Variants in TNRC6C observed in about 807,000 individuals in gnomAD.
TNRC6C encodes trinucleotide repeat containing adaptor 6C.
Under a neutral mutation model 153.7 loss-of-function variants are expected in TNRC6C, and 20 were observed. The ratio of observed to expected loss-of-function variants is 0.13; its 90% CI spans 0.09 to 0.19. The LOEUF (loss-of-function observed/expected upper bound fraction) is 0.19, where lower values mean the gene tolerates loss of function less well. TNRC6C is among the 10% of genes least tolerant of loss of function. The pLI is 1.00. For synonymous variants in TNRC6C, 811 were observed against 841.4 expected (o/e 0.96, Z 0.63); for missense variants, 1,987 against 2,172.0 (o/e 0.91, Z 1.69).
intron 8 of TNRC6C, among the ~76,000 whole-genome samples, chr17:78,076,357 C>T (rs1165793379): frequency 1.3e-5 from 2 of 152,160 alleles, no homozygotes; most frequent in Non-Finnish European, 1.5e-5. Flanking sequence ...GGGTGAGGCT[C>T]ACGTCTTCAT....
chr17:78,081,430 A>G (rs988162905), intron 10 of TNRC6C, among the ~76,000 whole-genome samples: 2 of 152,184 alleles, frequency 1.3e-5, no homozygotes, highest in East Asian at 1.9e-4. Flanking sequence ...ACAATTATCA[A>G]TATAACTAAT....
chr17:78,104,674 C>A lies in TNRC6C; in HGVS notation c.4902C>A (p.Asn1634Lys). The A allele has an allele frequency of 6.5e-7, 1 of 1,542,538 alleles. No individual in the cohort carries two copies. Among genetic ancestry groups the A allele is most frequent in the East Asian group, 2.4e-5 (1 of 40,838 alleles). ...TACGCAGCGACGCTGGCCACTGGAA[C>A]GCCCCGTGCCTGGGTGGCAAGGGGA... Residue 1634 changes from asparagine to lysine, a missense_variant, in exon 20 of 20, where the codon AAC (asparagine) becomes AAA (lysine). Physicochemically the swap from Asn to Lys is moderately conservative, Grantham distance 94. Around this residue, in one of 4 missense-constraint regions of TNRC6C, gnomAD observed 139 missense variants for 148.5 expected, o/e 0.94. Transcript: ENST00000301624. This position sits in a 1 kb window ranked among gnomAD's most constrained non-coding sequence, Gnocchi z 6.2.
Position 77,963,267 on chromosome 17 carries a change from A to G in TNRC6C, c.-38+3999A>G, listed in dbSNP as rs1362669776. 2.0e-5 allele frequency among the ~76,000 whole-genome samples: 3 copies of G among 152,346 alleles called. No individual in the cohort carries two copies. The East Asian group carries it at 5.8e-4, about 29-fold the overall frequency. On this transcript the variant is annotated intron_variant, in intron 1 of 22. Transcript: ENST00000636222. ...GTATATCTGAAATTGAAACTGAGAA[A>G]TGTATAATCTTAGCCAGTGAACTTG...
chr17:78,083,300 A>G (rs2073216340), intron 11 of TNRC6C, 134 bp downstream of exon 13: 2 of 1,243,930 alleles, frequency 1.6e-6, no homozygotes, highest in Non-Finnish European at 2.2e-6. Context: ...AAGTATTTAA[A>G]CTCTTCATGA....
Position 78,103,700 on chromosome 17 carries a change from GAT to G in TNRC6C, c.4712+149_4712+150del, listed in dbSNP as rs2073638257. 1.0e-5 allele frequency: 12 copies of G among 1,191,820 alleles called. No individual in the cohort carries two copies. The East Asian group carries it at 3.0e-4, about 30-fold the overall frequency. The allele number at this position is 1,191,820 out of a possible 1,614,324, so 73.8% of individuals were successfully genotyped here. On this transcript the variant is annotated intron_variant, in intron 19 of 19. Coordinates refer to ENST00000301624, the Ensembl canonical transcript of TNRC6C. ...TCCCACTTCTGGAGGCTGGAAGTCT[GAT>G]ACCCAAGATGAAGGTGTGGGCAGGG... is the stretch of plus-strand genomic sequence containing the variant.
At chr17:77,988,526 C>G (rs989136263) in intron 1 of TNRC6C, among the ~76,000 whole-genome samples, 2 of 152,234 alleles carry the variant, frequency 1.3e-5, no homozygotes, top group Admixed American at 1.3e-4. Context: ...TAAAAACTCA[C>G]AGCTTCCATT....
At chr17:78,013,582 G>A (rs559607260) in intron 1 of TNRC6C, among the ~76,000 whole-genome samples, 1 of 152,194 alleles carries the variant, frequency 6.6e-6, no homozygotes, top group Non-Finnish European at 1.5e-5. Flanking sequence ...CTCTCATGGA[G>A]CTGAGTCTTA....
Position 78,072,926 on chromosome 17 carries a change from C to G in TNRC6C, c.2860-111C>G. The G allele has an allele frequency of 1.6e-5, 11 of 698,550 alleles. 2 individuals are homozygous for G. In the South Asian group the frequency reaches 2.1e-4, roughly 13 times the overall value. The allele number at this position is 698,550 out of a possible 1,614,324, so 43.3% of individuals were successfully genotyped here. On this transcript the variant is annotated intron_variant, in intron 6 of 19. Coordinates refer to ENST00000301624, the Ensembl canonical transcript of TNRC6C. ...CCTCAACAGTGAAGAAATGTATTTC[C>G]AGTTCCAAAACCTAATAACTATGTC...
chr17:78,046,171 C>T (rs1423955999), intron 2 of TNRC6C, among the ~76,000 whole-genome samples: 1 of 150,540 alleles, frequency 6.6e-6, no homozygotes, highest in East Asian at 1.9e-4. Flanking sequence ...TCTTTCTTAC[C>T]GATTTTTAGG....
chr17:78,070,189 A>C (rs930132753), intron 5 of TNRC6C, among the ~76,000 whole-genome samples: 3 of 152,204 alleles, frequency 2.0e-5, no homozygotes, highest in Admixed American at 1.3e-4. Flanking sequence ...CAAATAATCC[A>C]GTTAATGATG....
intron 1 of TNRC6C, among the ~76,000 whole-genome samples, chr17:78,026,976 C>T (rs1243806973): frequency 3.3e-5 from 5 of 151,872 alleles, no homozygotes; most frequent in African/African-American, 7.3e-5. Context: ...AAGGGCGAGG[C>T]GAGAAAGCTG....
Position 78,060,333 on chromosome 17 carries a change from T to C in TNRC6C, c.2396-4389T>C, listed in dbSNP as rs2072741283. Among the ~76,000 whole-genome samples, 3 of 152,126 alleles carry C rather than the reference T, an allele frequency of 2.0e-5. 1 individual carries two copies. In the South Asian group the frequency reaches 6.2e-4, roughly 32 times the overall value. Reference sequence around the variant, plus strand: ...GTACCCAACCAGCCATCATAGTAAATTTGCATTAAGTTTAAAGGCCGTTGG... The same window carrying C: ...GTACCCAACCAGCCATCATAGTAAACTTGCATTAAGTTTAAAGGCCGTTGG... On this transcript the variant is annotated intron_variant, in intron 3 of 19. Transcript: ENST00000301624.
At chr17:77,971,950 T>A in intron 1 of TNRC6C, among the ~76,000 whole-genome samples, 1 of 151,392 alleles carries the variant, frequency 6.6e-6, no homozygotes, top group African/African-American at 2.4e-5. Context: ...TTTAAATGTA[T>A]TAAATATGTA....
chr17:78,010,080 G>T (rs796537980), intron 1 of TNRC6C, among the ~76,000 whole-genome samples: 1 of 150,060 alleles, frequency 6.7e-6, no homozygotes, highest in African/African-American at 2.5e-5. Context: ...GCAGGGTTTC[G>T]CCCTGTTGCC....
chr17:78,093,095 C>T, exon 15 of TNRC6C: 5 of 1,613,210 alleles, frequency 3.1e-6, no homozygotes, highest in Non-Finnish European at 4.2e-6. Flanking sequence ...GATAAAATCT[C>T]AAATGGCTCT....
intron 1 of TNRC6C, among the ~76,000 whole-genome samples, chr17:77,977,830 T>C (rs2071021967): frequency 6.6e-6 from 1 of 151,544 alleles, no homozygotes; most frequent in African/African-American, 2.4e-5. Context: ...TATGTGAGAC[T>C]CTTAAAATAA....
chr17:78,095,498 C>T (rs1333005702), intron 16 of TNRC6C, among the ~76,000 whole-genome samples: 1 of 152,246 alleles, frequency 6.6e-6, no homozygotes. Flanking sequence ...AAGTGAACAT[C>T]GTTTGACTTC....
chr17:77,995,071 G>A (rs1353088123), intron 1 of TNRC6C, among the ~76,000 whole-genome samples: 1 of 152,194 alleles, frequency 6.6e-6, no homozygotes, highest in Non-Finnish European at 1.5e-5. Context: ...ACTGTAATGG[G>A]ATTAGAATAA....
chr17:77,969,525 C>T (rs1201522359), intron 1 of TNRC6C, among the ~76,000 whole-genome samples: 2 of 152,168 alleles, frequency 1.3e-5, no homozygotes, highest in Non-Finnish European at 2.9e-5. Flanking sequence ...GCTGGGATTA[C>T]AGGCGTGAGT....
Sources: allele counts gnomAD v4.1 joint callset (sites outside exome capture counted in the v4.1 genomes callset), GRCh38; gene constraint gnomAD v4.1.1; regional missense constraint gnomAD v4.1.1; non-coding constraint Gnocchi (gnomAD v3.1); transcripts MANE v1.5; gene names NCBI Gene and HGNC (gene_info 2026-07-23, HGNC 2026-07-21).